OR9Q1: variants seen among roughly 807,000 people sequenced by gnomAD.
The protein encoded by OR9Q1 is olfactory receptor family 9 subfamily Q member 1.
For missense variants in OR9Q1, 374 were observed against 378.8 expected (o/e 0.99, Z 0.11); for synonymous variants, 153 against 148.6 (o/e 1.03, Z -0.22).
At chr11:58,072,911 T>C (rs1398436117) in intron 2 of OR9Q1, 2 of 157,184 alleles carry the variant, frequency 1.3e-5, no homozygotes, top group East Asian at 3.8e-4. Context: ...ACATTTAATA[T>C]GGTCAATCAT....
intron 2 of OR9Q1, among the ~76,000 whole-genome samples, chr11:58,075,065 C>T (rs991040770): frequency 4.6e-5 from 7 of 152,068 alleles, no homozygotes; most frequent in African/African-American, 1.4e-4. Context: ...GTTCTTTTTG[C>T]TTAAGATTGT....
At chr11:58,113,799 G>A (rs776640326) in intron 2 of OR9Q1, among the ~76,000 whole-genome samples, 3 of 152,082 alleles carry the variant, frequency 2.0e-5, no homozygotes, top group Non-Finnish European at 2.9e-5. Flanking sequence ...TATCTAAAAG[G>A]TCACACAGAT....
At chr11:58,133,147 C>T (rs989413860) in intron 2 of OR9Q1, among the ~76,000 whole-genome samples, 1 of 152,218 alleles carries the variant, frequency 6.6e-6, no homozygotes, top group Non-Finnish European at 1.5e-5. Flanking sequence ...AAATGCACTA[C>T]AGACCAGACT....
intron 1 of OR9Q1, among the ~76,000 whole-genome samples, chr11:58,037,558 A>G (rs1853112529): frequency 6.7e-6 from 1 of 149,934 alleles, no homozygotes; most frequent in African/African-American, 2.5e-5. Flanking sequence ...AAATTCCAAC[A>G]CAGGGAATGT....
rs1854649142 is a variant in OR9Q1, at chr11:58,180,122, G to C, written c.678G>C (p.Met226Ile). 6.2e-7 allele frequency: 1 copy of C among 1,613,978 alleles called. No individual in the cohort carries two copies. The highest frequency in any genetic ancestry group is 1.1e-5 in the South Asian group (1 of 91,074). Residue 226 changes from methionine (M) to isoleucine (I), a missense_variant, in exon 3 of 3, where the codon ATG becomes ATC. Coordinates refer to ENST00000335397, the MANE Select transcript of OR9Q1 (RefSeq NM_001005212.4). ...ACCTGTTTATCATCGTGGCCATCAT[G>C]GGGATCCCTGCTGGAAGCCAGGCCA... ...VSYLFIIVAI[M>I]GIPAGSQAKT...
At chr11:58,121,195 A>T (rs1854029246) in intron 2 of OR9Q1, among the ~76,000 whole-genome samples, 1 of 152,202 alleles carries the variant, frequency 6.6e-6, no homozygotes, top group East Asian at 1.9e-4. Context: ...TGGTTAAAAT[A>T]ATTATGTTTA....
intron 2 of OR9Q1, among the ~76,000 whole-genome samples, chr11:58,136,194 A>G (rs1854187952): frequency 6.6e-6 from 1 of 152,144 alleles, no homozygotes; most frequent in Non-Finnish European, 1.5e-5. Flanking sequence ...AGTTACAGAC[A>G]TCCACCAGGG....
chr11:58,026,544 T>C (rs1852974790), intron 1 of OR9Q1, among the ~76,000 whole-genome samples: 1 of 151,884 alleles, frequency 6.6e-6, no homozygotes, highest in African/African-American at 2.4e-5. Context: ...TAGCTGGATA[T>C]GGTGATGCGT....
At position 58,180,307 on chromosome 11, in the gene OR9Q1, T is replaced by C; in HGVS notation, c.863T>C (p.Ile288Thr). Residue 288 changes from isoleucine to threonine, a missense_variant, in exon 3 of 3, where the codon ATC (isoleucine) becomes ACC (threonine). Ile to Thr is a moderately conservative substitution (Grantham distance 89). Transcript: ENST00000335397. ...GTCATCCCCATGTTGAATCCCCTCA[T>C]CTACAGCCTGAGGAACAAGGAAGTG... is the stretch of plus-strand genomic sequence containing the variant. ...TEVIPMLNPL[I>T]YSLRNKEVKE... The C allele has an allele frequency of 6.2e-7, 1 of 1,612,860 alleles. No homozygotes were observed. The highest frequency in any genetic ancestry group is 1.7e-5 in the Admixed American group (1 of 59,962).
chr11:58,136,724 C>G (rs1264394840), intron 2 of OR9Q1, among the ~76,000 whole-genome samples: 2 of 152,176 alleles, frequency 1.3e-5, no homozygotes, highest in Admixed American at 6.5e-5. Context: ...TAAAATATTC[C>G]TCTGCCCATT....
intron 2 of OR9Q1, among the ~76,000 whole-genome samples, chr11:58,100,627 T>A (rs891299758): frequency 6.6e-6 from 1 of 152,144 alleles, no homozygotes; most frequent in Non-Finnish European, 1.5e-5. Context: ...ATTTTCTGTA[T>A]GTTTATATTT....
chr11:58,151,086 T>C (rs576616166), intron 2 of OR9Q1, among the ~76,000 whole-genome samples: 1 of 152,228 alleles, frequency 6.6e-6, no homozygotes, highest in Non-Finnish European at 1.5e-5. Context: ...CATTTTTGTA[T>C]GGGTATGCCA....
intron 2 of OR9Q1, among the ~76,000 whole-genome samples, chr11:58,143,339 C>T (rs1454134174): frequency 1.3e-5 from 2 of 152,182 alleles, no homozygotes; most frequent in Non-Finnish European, 2.9e-5. Context: ...TGAAGGTATT[C>T]AAACCTACAC....
At chr11:58,044,363 C>T (rs533612433) in intron 1 of OR9Q1, 13 of 152,304 alleles carry the variant, frequency 8.5e-5, no homozygotes, top group East Asian at 1.9e-4. Context: ...GCTTTTGTAG[C>T]AGCATTTTGA....
At chr11:58,162,797 A>G (rs1452457337) in intron 2 of OR9Q1, among the ~76,000 whole-genome samples, 1 of 152,140 alleles carries the variant, frequency 6.6e-6, no homozygotes, top group African/African-American at 2.4e-5. Flanking sequence ...CTCCTACCCC[A>G]TGTCTTTGTT....
chr11:58,078,957 G>T (rs1461263136), intron 2 of OR9Q1, among the ~76,000 whole-genome samples: 2 of 152,198 alleles, frequency 1.3e-5, no homozygotes, highest in Non-Finnish European at 2.9e-5. Flanking sequence ...GACAGAAACA[G>T]AATTCTTTTA....
At chr11:58,030,612 C>G (rs1418168248) in intron 1 of OR9Q1, among the ~76,000 whole-genome samples, 5 of 152,204 alleles carry the variant, frequency 3.3e-5, no homozygotes, top group South Asian at 2.1e-4. Context: ...CTCTCTATCT[C>G]TACCTTTTGT....
chr11:58,071,626 G>A (rs1853488782), intron 2 of OR9Q1, among the ~76,000 whole-genome samples: 1 of 152,214 alleles, frequency 6.6e-6, no homozygotes, highest in Non-Finnish European at 1.5e-5. Context: ...GATAAGAAGA[G>A]GGAAATGACC....
chr11:58,026,229 A>G (rs1852971875), intron 1 of OR9Q1, among the ~76,000 whole-genome samples: 1 of 152,236 alleles, frequency 6.6e-6, no homozygotes, highest in South Asian at 2.1e-4. Context: ...TGAATGAGGA[A>G]CTGGCAGGCA....
Sources: allele counts gnomAD v4.1 joint callset (sites outside exome capture counted in the v4.1 genomes callset), GRCh38; gene constraint gnomAD v4.1.1; transcripts MANE v1.5; gene names NCBI Gene and HGNC (gene_info 2026-07-23, HGNC 2026-07-21).